WWTR1: variants seen among roughly 807,000 people sequenced by gnomAD.
WWTR1 encodes WW domain-containing transcription regulator protein 1.
Under a neutral mutation model 40.1 loss-of-function variants are expected in WWTR1, and 13 were observed. The observed-to-expected ratio is 0.32, with a 90% CI of 0.21 to 0.52. The LOEUF is 0.52. Ranked by LOEUF, WWTR1 falls within the 20% of genes least tolerant of loss-of-function variation. WWTR1 has a pLI of 0.97. For missense variants in WWTR1, 436 were observed against 523.1 expected (o/e 0.83, Z 1.63); for synonymous variants, 230 against 210.1 (o/e 1.09, Z -0.82).
chr3:149,667,165 T>G (rs528557743), intron 2 of WWTR1, among the ~76,000 whole-genome samples: 1 of 152,198 alleles, frequency 6.6e-6, no homozygotes, highest in African/African-American at 2.4e-5. Context: ...AAACATTGGG[T>G]CTCTACTTTT....
At chr3:149,596,102 A>G (rs1380051285) in intron 2 of WWTR1, among the ~76,000 whole-genome samples, 1 of 152,312 alleles carries the variant, frequency 6.6e-6, no homozygotes, top group East Asian at 1.9e-4. Context: ...CTTGGGAGAC[A>G]TTATTAGCTC....
intron 3 of WWTR1, 124 bp from the exon 4 acceptor site, chr3:149,542,661 T>C: frequency 9.8e-7 from 1 of 1,021,766 alleles, no homozygotes; most frequent in Non-Finnish European, 1.4e-6. Flanking sequence ...AGTACTTTCC[T>C]GTTAACCATT....
chr3:149,567,376 T>C (rs761672508), intron 3 of WWTR1, among the ~76,000 whole-genome samples: 8 of 152,200 alleles, frequency 5.3e-5, no homozygotes, highest in Non-Finnish European at 1.2e-4. Context: ...GTGTGACTGC[T>C]CTTCACAAAC....
At chr3:149,543,031 A>C (rs903645176) in intron 3 of WWTR1, among the ~76,000 whole-genome samples, 1 of 152,204 alleles carries the variant, frequency 6.6e-6, no homozygotes, top group Non-Finnish European at 1.5e-5. Context: ...TCAGGAGCCG[A>C]CATATAAGGA....
At chr3:149,552,201 C>T (rs1307174171) in intron 3 of WWTR1, among the ~76,000 whole-genome samples, 1 of 144,940 alleles carries the variant, frequency 6.9e-6, no homozygotes. Context: ...ATAAACAAGA[C>T]CTGGGAAAGA....
intron 2 of WWTR1, among the ~76,000 whole-genome samples, chr3:149,634,848 G>C (rs1711730783): frequency 1.3e-5 from 2 of 152,198 alleles, no homozygotes; most frequent in South Asian, 4.1e-4. Context: ...ATTCTCAGTA[G>C]CTCACCCTCC....
intron 3 of WWTR1, among the ~76,000 whole-genome samples, chr3:149,568,798 G>A (rs554849421): frequency 6.6e-6 from 1 of 152,218 alleles, no homozygotes; most frequent in East Asian, 1.9e-4. Context: ...ACGGAGTCTC[G>A]CTCTGTCGCC....
At chr3:149,627,940 G>A (rs1448049304) in intron 2 of WWTR1, among the ~76,000 whole-genome samples, 1 of 152,108 alleles carries the variant, frequency 6.6e-6, no homozygotes, top group African/African-American at 2.4e-5. Context: ...AGCCATGGTA[G>A]CACATGTCTG....
At chr3:149,584,650 G>T (rs1373573036) in intron 2 of WWTR1, among the ~76,000 whole-genome samples, 1 of 152,152 alleles carries the variant, frequency 6.6e-6, no homozygotes, top group Non-Finnish European at 1.5e-5. Flanking sequence ...CACAGCTTAT[G>T]GTTCACATTT....
At chr3:149,598,172 A>T (rs1739088336) in intron 2 of WWTR1, among the ~76,000 whole-genome samples, 1 of 152,188 alleles carries the variant, frequency 6.6e-6, no homozygotes, top group South Asian at 2.1e-4. Context: ...CCTTCACATT[A>T]CCTGTCTCCT....
At chr3:149,653,008 C>T (rs1465602110) in intron 2 of WWTR1, among the ~76,000 whole-genome samples, 2 of 152,138 alleles carry the variant, frequency 1.3e-5, no homozygotes, top group East Asian at 3.8e-4. Context: ...AATTTTCTGT[C>T]ACACATTTGA....
chr3:149,521,183 GC>G (rs1735028686), intron 6 of WWTR1, among the ~76,000 whole-genome samples, 194 bp from the exon 7 acceptor site: 1 of 152,142 alleles, frequency 6.6e-6, no homozygotes, highest in Non-Finnish European at 1.5e-5. Flanking sequence ...AATGGAAAAG[GC>G]CAAGGAGATA....
chr3:149,607,390 C>A (rs890303111), intron 2 of WWTR1, among the ~76,000 whole-genome samples: 1 of 152,198 alleles, frequency 6.6e-6, no homozygotes, highest in Non-Finnish European at 1.5e-5. Flanking sequence ...TATTGGCTCA[C>A]TGCAACCTCC....
chr3:149,526,072 C>A lies in WWTR1; in HGVS notation c.959G>T (p.Cys320Phe). 1 of 1,612,226 alleles carries A rather than the reference C, an allele frequency of 6.2e-7. No individual in the cohort carries two copies. Among genetic ancestry groups the A allele is most frequent in the South Asian group, 1.1e-5 (1 of 90,786 alleles). ...CTCCGGAGTTGTGGGGACACTGTAG[C>A]ACCCTAACCCCAGGCCACTGTCAGT... ...QSTDSGLGLG[C>F]YSVPTTPEDF... Residue 320 changes from cysteine (C) to phenylalanine (F), a missense_variant, in exon 6 of 7, where the codon TGC (cysteine) becomes TTC (phenylalanine). Physicochemically the swap from Cys to Phe is radical, Grantham distance 205. Transcript: ENST00000360632.
intron 3 of WWTR1, among the ~76,000 whole-genome samples, chr3:149,547,391 T>G (rs1736416067): frequency 6.6e-6 from 1 of 151,978 alleles, no homozygotes; most frequent in African/African-American, 2.4e-5. Context: ...CTGGGCTTGT[T>G]GGCAGGTGCC....
chr3:149,682,178 C>T (rs1294232114), intron 1 of WWTR1, among the ~76,000 whole-genome samples: 1 of 152,180 alleles, frequency 6.6e-6, no homozygotes, highest in Non-Finnish European at 1.5e-5. Context: ...AGTCAGGTCT[C>T]TTAGTGATTA....
At chr3:149,634,910 C>T (rs1001117387) in intron 2 of WWTR1, among the ~76,000 whole-genome samples, 2 of 152,236 alleles carry the variant, frequency 1.3e-5, no homozygotes, top group Admixed American at 1.3e-4. Context: ...CAACTTAAAT[C>T]AAAGACTCTG....
chr3:149,588,621 C>T (rs1390256536), intron 2 of WWTR1, among the ~76,000 whole-genome samples: 1 of 152,002 alleles, frequency 6.6e-6, no homozygotes, highest in African/African-American at 2.4e-5. Context: ...GTAAATAGAA[C>T]ACATATGAAC....
intron 4 of WWTR1, among the ~76,000 whole-genome samples, chr3:149,535,551 C>G (rs1355528335): frequency 6.6e-6 from 1 of 152,130 alleles, no homozygotes; most frequent in African/African-American, 2.4e-5. Context: ...TTTAGGAAGC[C>G]ATTTACTAAG....
Sources: allele counts gnomAD v4.1 joint callset (sites outside exome capture counted in the v4.1 genomes callset), GRCh38; gene constraint gnomAD v4.1.1; transcripts MANE v1.5; gene names NCBI Gene and HGNC (gene_info 2026-07-23, HGNC 2026-07-21).